The following IL9R variants were observed in gnomAD, a reference collection of about 807,000 sequenced individuals.
IL9R encodes the protein interleukin-9 receptor.
In IL9R, 54 loss-of-function variants were observed where a neutral mutation model predicts 56.3. The ratio of observed to expected loss-of-function variants is 0.96; its 90% CI spans 0.77 to 1.20. The LOEUF (loss-of-function observed/expected upper bound fraction) is 1.20. IL9R is among the 50% of genes most tolerant of loss of function. The probability of loss-of-function intolerance (pLI) is 0.00; values close to 1 mark genes in which losing one functional copy is unlikely to be tolerated. For synonymous variants in IL9R, 212 were observed against 250.2 expected, an observed-to-expected ratio of 0.85 and a Z score of 1.44; for missense variants, 545 against 629.8, an observed-to-expected ratio of 0.87 and a Z score of 1.44.
At chrX:156,005,205 C>G (rs2067836674) in intron 5 of IL9R, 73 bp from the exon 6 acceptor site, 3 of 1,140,076 alleles carry the variant, frequency 2.6e-6, no homozygotes, top group Admixed American at 1.7e-5. Context: ...GCATATAATG[C>G]ATGTGTGTAT....
intron 1 of IL9R, among the ~76,000 whole-genome samples, chrX:155,998,186 G>A (rs1438120820): frequency 6.6e-6 from 1 of 152,016 alleles, no homozygotes; most frequent in Non-Finnish European, 1.5e-5. Context: ...GTGGAGCTGA[G>A]GTCTAGGCCC....
rs746528114 is a variant in IL9R, at chrX:155,999,237, C to G, written c.28+1450C>G. 3.9e-5 allele frequency among the ~76,000 whole-genome samples: 6 copies of G among 152,164 alleles called. No homozygotes were observed. In the South Asian group the frequency reaches 1.2e-3, roughly 32 times the overall value. On this transcript the variant is annotated intron_variant, in intron 1 of 8. Coordinates refer to ENST00000244174, the MANE Select transcript of IL9R (RefSeq NM_002186.3). ...TACTTCTCCCACCCACCCTTGCCTA[C>G]TCCCCTCTGCCCTGGGTATGTGCCC...
Position 155,997,711 on chromosome X carries a change from A to G in IL9R, c.-49A>G. The G allele has an allele frequency of 3.1e-6, 5 of 1,599,388 alleles. No homozygotes were observed. Among genetic ancestry groups the G allele is most frequent in the Non-Finnish European group, 4.3e-6 (5 of 1,166,658 alleles). ...GAGGGTCTTTGCTGTGCACCCAGAG[A>G]TAGTTGGGTGACAAATCACCTCCAG... On this transcript the variant is annotated 5_prime_UTR_variant, in exon 1 of 9. Coordinates refer to ENST00000244174, the MANE Select transcript of IL9R (RefSeq NM_002186.3).
At chrX:155,998,128 G>T (rs2067261155) in intron 1 of IL9R, among the ~76,000 whole-genome samples, 1 of 152,118 alleles carries the variant, frequency 6.6e-6, no homozygotes, top group Non-Finnish European at 1.5e-5. Flanking sequence ...GGGTGCCTTT[G>T]TGGGGTGAGA....
At chrX:156,001,600 G>A (rs1480509013) in intron 1 of IL9R, 30 of 815,100 alleles carry the variant, frequency 3.7e-5, no homozygotes, top group Non-Finnish European at 5.4e-5. Flanking sequence ...GGTTAGAGTA[G>A]TGCCTGCTGC....
intron 1 of IL9R, among the ~76,000 whole-genome samples, chrX:156,000,145 A>AATAT (rs1556394101): frequency 4.9e-4 from 71 of 144,244 alleles, no homozygotes; most frequent in Non-Finnish European, 6.3e-4. Context: ...AAAAAAAAAA[A>AATAT]ATATATATAT....
At chrX:156,001,562 A>T (rs781568807) in intron 1 of IL9R, 56 of 1,253,418 alleles carry the variant, frequency 4.5e-5, no homozygotes, top group Non-Finnish European at 6.2e-5. Flanking sequence ...GGGTACCTGT[A>T]TACGCTGCCG....
At chrX:156,004,320 C>T in intron 4 of IL9R, 100 bp from the exon 5 acceptor site, 2 of 1,277,300 alleles carry the variant, frequency 1.6e-6, no homozygotes, top group South Asian at 1.3e-5. Flanking sequence ...GGGCCTTGAC[C>T]ATTCCCCTTG....
intron 4 of IL9R, 57 bp from the exon 5 acceptor site, chrX:156,004,363 G>C: frequency 6.3e-7 from 1 of 1,592,034 alleles, no homozygotes; most frequent in East Asian, 2.2e-5. Flanking sequence ...TGTGTGTTCT[G>C]ACTGACACAC....
intron 4 of IL9R, 101 bp downstream of exon 4, chrX:156,003,956 G>A (rs1481479513): frequency 8.0e-7 from 1 of 1,246,910 alleles, no homozygotes; most frequent in African/African-American, 1.5e-5. Flanking sequence ...GTGGCCCAGT[G>A]AGTGTTCTCA....
intron 1 of IL9R, among the ~76,000 whole-genome samples, chrX:155,999,428 G>A (rs2067360333): frequency 6.6e-6 from 1 of 152,042 alleles, no homozygotes; most frequent in South Asian, 2.1e-4. Flanking sequence ...CTCCCACCCT[G>A]CCTTCCCTGC....
At chrX:156,005,117 C>CTG (rs966124900) in intron 5 of IL9R, among the ~76,000 whole-genome samples, 161 bp from the exon 6 acceptor site, 6 of 151,344 alleles carry the variant, frequency 4.0e-5, no homozygotes, top group East Asian at 2.0e-4. Context: ...AGTGTGCCTT[C>CTG]TGTGTGTGTG....
At chrX:156,001,298 C>T (rs373117658) in intron 1 of IL9R, 3 of 813,108 alleles carry the variant, frequency 3.7e-6, no homozygotes, top group Non-Finnish European at 2.2e-6. Context: ...GGTCAGCTCT[C>T]AGCTGTGGCC....
At chrX:156,007,378 G>A (rs1004984441) in intron 7 of IL9R, 145 bp from the exon 8 acceptor site, 10 of 651,642 alleles carry the variant, frequency 1.5e-5, no homozygotes, top group Middle Eastern at 4.0e-4. Flanking sequence ...CCTGAGAGTG[G>A]GTTGGAATGT....
intron 1 of IL9R, among the ~76,000 whole-genome samples, chrX:155,999,562 C>T (rs2067372880): frequency 6.6e-6 from 1 of 152,124 alleles, no homozygotes; most frequent in Non-Finnish European, 1.5e-5. Context: ...TGCCCAACAG[C>T]ATTGGGGATT....
At position 156,003,731 on chromosome X, in the gene IL9R, C is replaced by T. The variant is rs775971815; in HGVS notation, c.309C>T (p.Thr103=). The T allele has an allele frequency of 4.3e-6, 7 of 1,613,696 alleles. No individual in the cohort carries two copies. Among genetic ancestry groups the T allele is most frequent in the East Asian group, 2.2e-5 (1 of 44,886 alleles). The change falls in exon 4 of 9, where the codon ACC becomes ACT. Residue 103 remains threonine, a synonymous_variant. Transcript: ENST00000244174. The stretch of plus-strand genomic sequence containing the variant: ...GCATCTTGCGGGGCAGTGAGTGCAC[C>T]GTCGTGCTGCCACCTGAGGCAGTGC... ...HKCILRGSEC[T]VVLPPEAVLV...
intron 7 of IL9R, among the ~76,000 whole-genome samples, chrX:156,006,913 G>A (rs938109826): frequency 1.3e-5 from 2 of 150,830 alleles, no homozygotes; most frequent in African/African-American, 2.4e-5. Context: ...ACAGGGAGAC[G>A]ATTTGGCATG....
At chrX:156,003,361 G>T in intron 2 of IL9R, 88 bp from the exon 3 acceptor site, 2 of 910,016 alleles carry the variant, frequency 2.2e-6, no homozygotes, top group Admixed American at 1.8e-5. Flanking sequence ...GCCCTGCTAG[G>T]GTGTCAGCTG....
intron 5 of IL9R, among the ~76,000 whole-genome samples, chrX:156,004,905 C>T (rs1027432643): frequency 1.4e-4 from 22 of 151,888 alleles, no homozygotes; most frequent in African/African-American, 4.6e-4. Context: ...TGTGCCTGTG[C>T]CTTGCATTTG....
Sources: allele counts gnomAD v4.1 joint callset (sites outside exome capture counted in the v4.1 genomes callset), GRCh38; gene constraint gnomAD v4.1.1; transcripts MANE v1.5; gene names NCBI Gene and HGNC (gene_info 2026-07-23, HGNC 2026-07-21).